The following COL4A2 variants were observed in gnomAD, a reference collection of about 807,000 sequenced individuals.
The protein encoded by COL4A2 is collagen type IV alpha 2 chain.
In COL4A2, 99 loss-of-function variants were observed where a neutral mutation model predicts 200.2. The observed-to-expected ratio is 0.49, with a 90% CI of 0.42 to 0.58. The LOEUF (loss-of-function observed/expected upper bound fraction) is 0.58. COL4A2 is among the 20% of genes least tolerant of loss of function. The pLI, the probability that COL4A2 is intolerant of heterozygous loss-of-function variation, is 0.00. For synonymous variants in COL4A2, 897 were observed against 900.6 expected (o/e 1.00, Z 0.07); for missense variants, 1,950 against 2,314.1 (o/e 0.84, Z 3.23).
At chr13:110,363,751 A>G (rs988652424) in intron 4 of COL4A2, among the ~76,000 whole-genome samples, 5 of 152,200 alleles carry the variant, frequency 3.3e-5, no homozygotes, top group East Asian at 1.9e-4. Flanking sequence ...CTACCCTTCC[A>G]TGTAGATAGC....
In COL4A2 at chr13:110,438,018, A is replaced by AG; in HGVS notation, c.847dup (p.Glu283GlyfsTer30). 1.2e-6 allele frequency: 2 copies of AG among 1,613,476 alleles called. No individual in the cohort carries two copies. The highest frequency in any genetic ancestry group is 1.7e-6 in the Non-Finnish European group (2 of 1,179,530). On this transcript the variant is annotated frameshift_variant, in exon 14 of 48. Transcript: ENST00000360467. LOFTEE classifies it high-confidence loss of function. ...TCTTCACAGGGTGAAAAAGGCAGTG[A>AG]GGGGGAACCAGGAATAAGAGTAAGT...
At chr13:110,388,470 A>G (rs147047233) in intron 4 of COL4A2, among the ~76,000 whole-genome samples, 194 of 152,314 alleles carry the variant, frequency 1.3e-3, no homozygotes, top group African/African-American at 4.5e-3. Context: ...TGAGCCCTGT[A>G]CTCTGTCATG....
At chr13:110,329,883 A>G (rs1161420999) in intron 3 of COL4A2, among the ~76,000 whole-genome samples, 4 of 152,208 alleles carry the variant, frequency 2.6e-5, no homozygotes, top group Non-Finnish European at 5.9e-5. Context: ...AGCAAAGTGC[A>G]TAATTCCAGA....
Position 110,450,433 on chromosome 13 carries a change from C to A in COL4A2, c.1318C>A (p.Pro440Thr), listed in dbSNP as rs767139003. Residue 440 changes from proline to threonine, a missense_variant, in exon 20 of 48, where the codon CCT (proline) becomes ACT (threonine). Pro to Thr is a conservative substitution (Grantham distance 38, BLOSUM62 -1). Transcript: ENST00000360467. Reference sequence around the variant, plus strand: ...AGGGCCTCCAGGACCCCCCGGGCTCCCTGGACCACCTGGACCTGATGGTGA... The same window carrying A: ...AGGGCCTCCAGGACCCCCCGGGCTCACTGGACCACCTGGACCTGATGGTGA... ...KRGPPGPPGL[P>T]GPPGPDGFLF... 6.2e-7 allele frequency: 1 copy of A among 1,613,776 alleles called. No individual in the cohort carries two copies. The highest frequency in any genetic ancestry group is 2.2e-5 in the East Asian group (1 of 44,894).
rs1555328881 is a variant in COL4A2, at chr13:110,438,808, C to CA, written c.912+140_912+141insA. On this transcript the variant is annotated intron_variant, in intron 15 of 47. Transcript: ENST00000360467. ...TTTCCCGTTATTACTCCCCACCCCC[C>CA]CCCACACACACACACAGCAGCCCCC... is the stretch of plus-strand genomic sequence containing the variant. The CA allele has an allele frequency of 8.3e-5, 50 of 603,554 alleles. 1 individual carries two copies. Among genetic ancestry groups the CA allele is most frequent in the South Asian group, 7.0e-4 (38 of 54,168 alleles). The allele number at this position is 603,554 out of a possible 1,614,324, so 37.4% of individuals were successfully genotyped here.
chr13:110,407,357 G>A (rs1331759904), intron 4 of COL4A2, among the ~76,000 whole-genome samples: 1 of 152,250 alleles, frequency 6.6e-6, no homozygotes, highest in East Asian at 1.9e-4. Flanking sequence ...AGCGAGGAGA[G>A]CGTCACACAG....
At chr13:110,397,550 TGGC>T (rs1879223353) in intron 4 of COL4A2, among the ~76,000 whole-genome samples, 1 of 152,256 alleles carries the variant, frequency 6.6e-6, no homozygotes, top group African/African-American at 2.4e-5. Flanking sequence ...TTCACAATCT[TGGC>T]AAGGCAGACG....
In COL4A2 at chr13:110,307,986, G is replaced by C. The variant is rs772772870; in HGVS notation, c.44+39G>C. On this transcript the variant is annotated intron_variant, in intron 2 of 47. Coordinates refer to ENST00000360467, the MANE Select transcript of COL4A2 (RefSeq NM_001846.4). This position sits in a 1 kb window ranked among gnomAD's most constrained non-coding sequence, Gnocchi z 5.0. ...TGCCTGGTCCCCGTGGGTCACGCGCGCATGGACCCTTCGGTGTAACTCTCG... is the reference window on the plus strand; with the variant it reads ...TGCCTGGTCCCCGTGGGTCACGCGCCCATGGACCCTTCGGTGTAACTCTCG... 1.9e-6 allele frequency: 3 copies of C among 1,611,826 alleles called. No individual in the cohort carries two copies. The highest frequency in any genetic ancestry group is 2.5e-6 in the Non-Finnish European group (3 of 1,179,026).
At chr13:110,425,135 T>A in intron 6 of COL4A2, 138 bp downstream of exon 6, 1 of 953,984 alleles carries the variant, frequency 1.0e-6, no homozygotes, top group South Asian at 1.6e-5. Context: ...TACGTGCGTA[T>A]TCTCCCCGCG....
chr13:110,394,662 G>A (rs1197885467), intron 4 of COL4A2, among the ~76,000 whole-genome samples: 1 of 152,224 alleles, frequency 6.6e-6, no homozygotes, highest in Non-Finnish European at 1.5e-5. Context: ...CTTGCCATTT[G>A]CCACGCTTCA....
chr13:110,436,046 GC>G (rs1214290622), intron 12 of COL4A2: 8 of 686,206 alleles, frequency 1.2e-5, no homozygotes, highest in Non-Finnish European at 2.0e-5. Flanking sequence ...AACCTACATG[GC>G]TTTTATGCAT....
intron 36 of COL4A2, 96 bp downstream of exon 36, chr13:110,489,881 C>G: frequency 7.6e-7 from 1 of 1,309,470 alleles, no homozygotes; most frequent in South Asian, 1.4e-5. Context: ...TCAGTAACAA[C>G]CAGAAAGCAC....
chr13:110,411,834 CAT>C (rs1463342270), intron 4 of COL4A2, among the ~76,000 whole-genome samples: 1 of 152,222 alleles, frequency 6.6e-6, no homozygotes, highest in Non-Finnish European at 1.5e-5. Context: ...TGAAAAGCCC[CAT>C]ATGACTCTTC....
chr13:110,375,791 C>T lies in COL4A2; in HGVS notation c.180+18239C>T, dbSNP rs571809701. On this transcript the variant is annotated intron_variant, in intron 4 of 47. Coordinates refer to ENST00000360467, the MANE Select transcript of COL4A2 (RefSeq NM_001846.4). ...GCTGCAGTGAGCCAAGATCACGCCG[C>T]TGCACTCCAGCCTGGATGACAGAGT... Among the ~76,000 whole-genome samples the T allele has an allele frequency of 1.2e-3, 176 of 151,918 alleles. 1 individual carries two copies. Among genetic ancestry groups the T allele is most frequent in the Middle Eastern group, 0.01 (3 of 294 alleles).
intron 22 of COL4A2, among the ~76,000 whole-genome samples, chr13:110,460,110 T>G (rs1231211082): frequency 2.0e-5 from 3 of 152,226 alleles, no homozygotes; most frequent in African/African-American, 7.2e-5. Context: ...AAAAAGTTCA[T>G]TATTTAACAT....
At chr13:110,381,966 T>C (rs1878510062) in intron 4 of COL4A2, among the ~76,000 whole-genome samples, 1 of 152,210 alleles carries the variant, frequency 6.6e-6, no homozygotes, top group Admixed American at 6.5e-5. Flanking sequence ...TTATTACTTA[T>C]TTCAATGGGA....
chr13:110,475,517 G>GC (rs1882673170), intron 29 of COL4A2, among the ~76,000 whole-genome samples: 2 of 152,176 alleles, frequency 1.3e-5, no homozygotes, highest in Non-Finnish European at 2.9e-5. Context: ...AAAACAAATG[G>GC]AAGCAGGCTT....
intron 38 of COL4A2, among the ~76,000 whole-genome samples, chr13:110,492,510 T>C (rs903741938): frequency 1.3e-5 from 2 of 152,200 alleles, no homozygotes; most frequent in Admixed American, 1.3e-4. Flanking sequence ...GCAGCCTCAG[T>C]GTACCACTGT....
intron 4 of COL4A2, among the ~76,000 whole-genome samples, chr13:110,383,853 C>T (rs1013330867): frequency 1.2e-4 from 18 of 152,274 alleles, no homozygotes; most frequent in Admixed American, 9.8e-4. Context: ...CTCAAGCTAT[C>T]TGACCACCTC....
Sources: allele counts gnomAD v4.1 joint callset (sites outside exome capture counted in the v4.1 genomes callset), GRCh38; gene constraint gnomAD v4.1.1; non-coding constraint Gnocchi (gnomAD v3.1); transcripts MANE v1.5; gene names NCBI Gene and HGNC (gene_info 2026-07-23, HGNC 2026-07-21).